Variants in PARP8 observed in about 807,000 individuals in gnomAD.
PARP8 encodes protein mono-ADP-ribosyltransferase PARP8.
A neutral mutation model predicts 124.1 loss-of-function variants in PARP8; 51 were observed. The ratio of observed to expected loss-of-function variants is 0.41; its 90% CI spans 0.33 to 0.52. PARP8 has a LOEUF of 0.52. Among genes scored for constraint, PARP8 ranks in the 20% least tolerant of loss-of-function variants. The pLI is 0.21. For missense variants in PARP8, 860 were observed against 1,018.9 expected (o/e 0.84, Z 2.12); for synonymous variants, 391 against 361.5 (o/e 1.08, Z -0.93).
intron 7 of PARP8, among the ~76,000 whole-genome samples, chr5:50,764,290 G>A (rs1337761771): frequency 2.6e-5 from 4 of 152,128 alleles, no homozygotes; most frequent in Non-Finnish European, 1.5e-5. Flanking sequence ...AATTCTTCAT[G>A]TATTCTGGTA....
intron 2 of PARP8, among the ~76,000 whole-genome samples, chr5:50,728,502 T>C (rs2149514655): frequency 6.6e-6 from 1 of 152,228 alleles, no homozygotes; most frequent in East Asian, 1.9e-4. Flanking sequence ...TCTATTGTTA[T>C]GGTGGGCCCT....
intron 2 of PARP8, among the ~76,000 whole-genome samples, chr5:50,673,243 G>A (rs1275562120): frequency 6.6e-6 from 1 of 152,080 alleles, no homozygotes; most frequent in Non-Finnish European, 1.5e-5. Flanking sequence ...TAAAATTGCA[G>A]CTGCTTTTTT....
intron 14 of PARP8, among the ~76,000 whole-genome samples, chr5:50,800,554 G>A (rs1480060376): frequency 6.6e-6 from 1 of 152,106 alleles, no homozygotes; most frequent in Non-Finnish European, 1.5e-5. Context: ...TTTCATAGAT[G>A]CCACTTACCA....
At position 50,795,248 on chromosome 5, in the gene PARP8, T is replaced by TA; in HGVS notation, c.1260dup (p.Tyr421IlefsTer23). The TA allele has an allele frequency of 6.2e-7, 1 of 1,614,102 alleles. No individual in the cohort carries two copies. The highest frequency in any genetic ancestry group is 8.5e-7 in the Non-Finnish European group (1 of 1,180,002). On this transcript the variant is annotated frameshift_variant, in exon 12 of 26. Transcript: ENST00000281631. LOFTEE classifies it high-confidence loss of function. ...TCTAGTAATCTCAGAATGGAAGAATTATATGGACTGAAAAATCACAAATTG... is the reference window on the plus strand; with the variant it reads ...TCTAGTAATCTCAGAATGGAAGAATTAATATGGACTGAAAAATCACAAATTG...
intron 2 of PARP8, among the ~76,000 whole-genome samples, chr5:50,699,070 G>C (rs903650824): frequency 7.2e-5 from 11 of 152,178 alleles, no homozygotes; most frequent in African/African-American, 2.7e-4. Flanking sequence ...ATTGGGTTTT[G>C]ATTGTCCACT....
At chr5:50,744,606 C>T in intron 2 of PARP8, 1 of 571,016 alleles carries the variant, frequency 1.8e-6, no homozygotes, top group South Asian at 2.3e-5. Flanking sequence ...AACCATGCAT[C>T]ACACTGTTCA....
At chr5:50,791,610 A>G (rs1167315439) in intron 10 of PARP8, among the ~76,000 whole-genome samples, 1 of 152,204 alleles carries the variant, frequency 6.6e-6, no homozygotes, top group Non-Finnish European at 1.5e-5. Flanking sequence ...GATATCACAG[A>G]TATAGTGATT....
At chr5:50,747,678 T>C (rs1267508327) in intron 2 of PARP8, among the ~76,000 whole-genome samples, 1 of 151,696 alleles carries the variant, frequency 6.6e-6, no homozygotes, top group Non-Finnish European at 1.5e-5. Context: ...ATTGTTTGCA[T>C]GGTGTATCTT....
chr5:50,731,997 G>A, intron 2 of PARP8, among the ~76,000 whole-genome samples: 1 of 152,132 alleles, frequency 6.6e-6, no homozygotes, highest in East Asian at 1.9e-4. Flanking sequence ...GTTTCTTACT[G>A]AGGGTTTTGT....
At chr5:50,701,875 T>C (rs1191759838) in intron 2 of PARP8, among the ~76,000 whole-genome samples, 1 of 152,136 alleles carries the variant, frequency 6.6e-6, no homozygotes, top group Admixed American at 6.6e-5. Context: ...TAAGATCCTT[T>C]TGTATCATAA....
chr5:50,788,675 C>CTTG, intron 10 of PARP8, 86 bp downstream of exon 10: 1 of 1,027,986 alleles, frequency 9.7e-7, no homozygotes, highest in Non-Finnish European at 1.4e-6. Flanking sequence ...AAACAAAAAC[C>CTTG]TATTCAGTAA....
chr5:50,745,444 C>A (rs1301095217), intron 2 of PARP8, among the ~76,000 whole-genome samples: 2 of 152,270 alleles, frequency 1.3e-5, no homozygotes, highest in Non-Finnish European at 2.9e-5. Context: ...GCCATTAAAT[C>A]ATCACAGCAG....
At chr5:50,694,709 A>G (rs901119493) in intron 2 of PARP8, among the ~76,000 whole-genome samples, 1 of 152,182 alleles carries the variant, frequency 6.6e-6, no homozygotes, top group African/African-American at 2.4e-5. Flanking sequence ...GAGTTTATTA[A>G]GGAGTATTGA....
intron 2 of PARP8, among the ~76,000 whole-genome samples, chr5:50,670,079 T>C (rs1168859988): frequency 6.6e-6 from 1 of 152,264 alleles, no homozygotes; most frequent in East Asian, 1.9e-4. Flanking sequence ...TTTTATTTTC[T>C]GAAAATAACG....
In PARP8 at chr5:50,821,349, A is replaced by G. The variant is rs773746515; in HGVS notation, c.1794+11A>G. On this transcript the variant is annotated intron_variant, in intron 16 of 25. Coordinates refer to ENST00000281631, the MANE Select transcript of PARP8 (RefSeq NM_024615.4). ...GCCTTCAACCCCAGGGTAAGTTGTT[A>G]TCATGGCACACCAATCACAAAGTTT... 5.0e-6 allele frequency: 8 copies of G among 1,613,756 alleles called. No homozygotes were observed. The African/African-American group carries it at 6.7e-5, about 13-fold the overall frequency.
chr5:50,732,266 C>T (rs1472643394), intron 2 of PARP8, among the ~76,000 whole-genome samples: 1 of 152,052 alleles, frequency 6.6e-6, no homozygotes, highest in Non-Finnish European at 1.5e-5. Context: ...GAATTAGAAT[C>T]TGGAAAAATG....
intron 9 of PARP8, among the ~76,000 whole-genome samples, chr5:50,779,910 T>C (rs1320328540): frequency 2.0e-5 from 3 of 152,134 alleles, no homozygotes; most frequent in African/African-American, 7.2e-5. Context: ...TCTATTTAAA[T>C]TAATGCATAA....
intron 7 of PARP8, among the ~76,000 whole-genome samples, chr5:50,773,850 T>A (rs1400115931): frequency 6.8e-6 from 1 of 146,762 alleles, no homozygotes; most frequent in African/African-American, 2.5e-5. Context: ...TTTTTTTTTT[T>A]AGTATTTATT....
intron 2 of PARP8, among the ~76,000 whole-genome samples, chr5:50,698,768 C>T (rs1332883860): frequency 6.6e-6 from 1 of 152,092 alleles, no homozygotes; most frequent in Non-Finnish European, 1.5e-5. Context: ...CCAGGAGTTC[C>T]TTGAAAGTGT....
Sources: allele counts gnomAD v4.1 joint callset (sites outside exome capture counted in the v4.1 genomes callset), GRCh38; gene constraint gnomAD v4.1.1; transcripts MANE v1.5; gene names NCBI Gene and HGNC (gene_info 2026-07-23, HGNC 2026-07-21).